ITPRID1: variants seen among roughly 807,000 people sequenced by gnomAD.
The protein encoded by ITPRID1 is ITPR interacting domain containing 1.
A neutral mutation model predicts 95.4 loss-of-function variants in ITPRID1; 96 were observed. That is an observed-to-expected ratio of 1.01 (90% CI 0.85 to 1.19). ITPRID1 has a LOEUF of 1.19. Ranked by LOEUF, ITPRID1 falls within the 50% of genes most tolerant of loss-of-function variation. The pLI is 0.00. For synonymous variants in ITPRID1, 510 were observed against 453.6 expected, an observed-to-expected ratio of 1.12 and a Z score of -1.58; for missense variants, 1,339 against 1,252.9, an observed-to-expected ratio of 1.07 and a Z score of -1.04.
chr7:31,638,865 C>T (rs1301039364), intron 10 of ITPRID1, among the ~76,000 whole-genome samples: 1 of 152,150 alleles, frequency 6.6e-6, no homozygotes, highest in Non-Finnish European at 1.5e-5. Flanking sequence ...CAACCTCCAC[C>T]TCCCAGGTTC....
intron 10 of ITPRID1, among the ~76,000 whole-genome samples, chr7:31,625,895 C>T (rs2128186616): frequency 6.6e-6 from 1 of 151,670 alleles, no homozygotes; most frequent in African/African-American, 2.4e-5. Flanking sequence ...AAAATTGAAA[C>T]ATTGTATTTC....
intron 10 of ITPRID1, among the ~76,000 whole-genome samples, chr7:31,607,526 G>A (rs899500315): frequency 1.3e-5 from 2 of 151,954 alleles, no homozygotes; most frequent in African/African-American, 4.8e-5. Flanking sequence ...TTGTGCTGTT[G>A]AAAAGTCTAA....
rs1791273701 is a variant in ITPRID1 at position 31,655,788 on chromosome 7, G to A, written c.*2959G>A. 1 of 985,594 alleles carries A rather than the reference G, an allele frequency of 1.0e-6. No individual in the cohort carries two copies. The highest frequency in any genetic ancestry group is 1.2e-6 in the Non-Finnish European group (1 of 829,996). 61.1% of individuals were successfully genotyped at this position (985,594 alleles called of 1,614,324 possible). The stretch of plus-strand genomic sequence containing the variant: ...GCTTTTTACTCTTTACCCAGGTTGG[G>A]CTTTTGACCTCCCCTTCTCCATGTA... On this transcript the variant is annotated 3_prime_UTR_variant, in exon 15 of 15. Coordinates refer to ENST00000615280, the MANE Select transcript of ITPRID1 (RefSeq NM_001257967.3).
At chr7:31,538,046 G>T (rs1197373790) in intron 1 of ITPRID1, among the ~76,000 whole-genome samples, 1 of 152,134 alleles carries the variant, frequency 6.6e-6, no homozygotes, top group Non-Finnish European at 1.5e-5. Context: ...GGCCATGTAG[G>T]TCTTTTTCTA....
chr7:31,519,620 C>CTCCATATATATATATA, intron 1 of ITPRID1, among the ~76,000 whole-genome samples: 3 of 25,252 alleles, frequency 1.2e-4, no homozygotes, highest in Non-Finnish European at 2.2e-4. Flanking sequence ...CTCTCTCTCT[C>CTCCATATATATATATA]TATATATATA....
At chr7:31,656,653 C>T (rs80266643), downstream of ITPRID1, among the ~76,000 whole-genome samples, 533 of 152,146 alleles carry the variant, frequency 3.5e-3, 2 homozygotes, top group South Asian at 0.021. Flanking sequence ...GGTAGAAGCA[C>T]GGTTATAGGT....
chr7:31,628,454 T>C (rs984643298), intron 10 of ITPRID1, among the ~76,000 whole-genome samples: 3 of 149,420 alleles, frequency 2.0e-5, no homozygotes, highest in Non-Finnish European at 4.4e-5. Context: ...ATTCCTTTTT[T>C]TTTTTTCTTT....
At chr7:31,634,195 C>T (rs1290167330) in intron 10 of ITPRID1, among the ~76,000 whole-genome samples, 1 of 152,118 alleles carries the variant, frequency 6.6e-6, no homozygotes, top group African/African-American at 2.4e-5. Flanking sequence ...GTAGTCCTGC[C>T]CCAAGCAGGG....
At chr7:31,556,379 C>T (rs1784446554) in intron 5 of ITPRID1, among the ~76,000 whole-genome samples, 1 of 152,168 alleles carries the variant, frequency 6.6e-6, no homozygotes, top group Admixed American at 6.6e-5. Context: ...TTTTAAACTC[C>T]ATGGCCTGTG....
At chr7:31,557,201 A>T (rs931191556) in intron 5 of ITPRID1, among the ~76,000 whole-genome samples, 6 of 152,070 alleles carry the variant, frequency 3.9e-5, no homozygotes, top group Non-Finnish European at 8.8e-5. Context: ...TGGACATGAA[A>T]TTCCAGGGGA....
At chr7:31,581,405 A>G (rs1284539922) in intron 9 of ITPRID1, among the ~76,000 whole-genome samples, 2 of 152,174 alleles carry the variant, frequency 1.3e-5, no homozygotes, top group African/African-American at 4.8e-5. Context: ...TAAATTCCCA[A>G]ATACATTAAG....
chr7:31,530,921 C>A lies in ITPRID1; in HGVS notation c.-98+16801C>A, dbSNP rs58776660. On this transcript the variant is annotated intron_variant, in intron 1 of 14. Transcript: ENST00000615280. ...TTCTGGTTCAGACACCAGAGTACTG[C>A]CTGATTAGCCTTGCTCAGAACTTCT... 8.1e-3 allele frequency among the ~76,000 whole-genome samples: 1,235 copies of A among 152,268 alleles called. 17 individuals are homozygous for A. Among genetic ancestry groups the A allele is most frequent in the African/African-American group, 0.027 (1,127 of 41,544 alleles).
chr7:31,544,393 C>A (rs115746431), intron 1 of ITPRID1, among the ~76,000 whole-genome samples: 1 of 152,048 alleles, frequency 6.6e-6, no homozygotes, highest in Non-Finnish European at 1.5e-5. Context: ...AAAGAACATA[C>A]GTTTAATTAT....
intron 12 of ITPRID1, among the ~76,000 whole-genome samples, chr7:31,646,829 T>C (rs1583730647): frequency 6.6e-6 from 1 of 152,218 alleles, no homozygotes; most frequent in East Asian, 1.9e-4. Flanking sequence ...TTCTAATGCC[T>C]TGTCTCCTAT....
chr7:31,598,386 CTTTTTTTTTTTCTTTT>C (rs1786177432), intron 10 of ITPRID1, among the ~76,000 whole-genome samples: 1 of 125,796 alleles, frequency 7.9e-6, no homozygotes, highest in African/African-American at 3.0e-5. Flanking sequence ...TAGCGAATTT[CTTTTTTTTTTTCTTTT>C]TTTTTTTTTT....
chr7:31,596,792 T>C (rs2128157421), intron 10 of ITPRID1, among the ~76,000 whole-genome samples: 1 of 151,772 alleles, frequency 6.6e-6, no homozygotes, highest in Non-Finnish European at 1.5e-5. Context: ...GAATGGTTTT[T>C]AAAGCTCAGC....
intron 10 of ITPRID1, among the ~76,000 whole-genome samples, chr7:31,605,622 G>A (rs769369520): frequency 1.9e-4 from 29 of 152,194 alleles, no homozygotes; most frequent in Non-Finnish European, 3.1e-4. Flanking sequence ...AAAAGGTTGA[G>A]CAAATGAGGC....
chr7:31,588,320 C>T (rs1263936965), intron 10 of ITPRID1, among the ~76,000 whole-genome samples: 1 of 151,932 alleles, frequency 6.6e-6, no homozygotes, highest in Non-Finnish European at 1.5e-5. Flanking sequence ...TGACACCATC[C>T]TAAAACTCTA....
chr7:31,623,827 A>C (rs2128183089), intron 10 of ITPRID1, among the ~76,000 whole-genome samples: 2 of 152,326 alleles, frequency 1.3e-5, no homozygotes, highest in African/African-American at 2.4e-5. Flanking sequence ...GAGCAAGTCA[A>C]ATTGTCCCTG....
Sources: gnomAD v4.1 joint callset for allele counts (sites outside exome capture counted in the v4.1 genomes callset) on GRCh38, gnomAD v4.1.1 for gene constraint, MANE v1.5 for transcripts, NCBI Gene and HGNC (gene_info 2026-07-23, HGNC 2026-07-21) for gene names.